Variants in SLC12A3 observed in about 807,000 individuals in gnomAD.
SLC12A3 encodes Na-Cl cotransporter.
Under a neutral mutation model 121.0 loss-of-function variants are expected in SLC12A3, and 104 were observed. The ratio of observed to expected loss-of-function variants is 0.86; its 90% CI spans 0.73 to 1.01. The LOEUF is 1.01. Ranked by LOEUF, SLC12A3 falls within the 50% of genes least tolerant of loss-of-function variation. SLC12A3 has a pLI of 0.00. For synonymous variants in SLC12A3, 536 were observed against 533.4 expected, an observed-to-expected ratio of 1.00 and a Z score of -0.07; for missense variants, 1,328 against 1,356.3, an observed-to-expected ratio of 0.98 and a Z score of 0.33.
chr16:56,883,701 C>T (rs921798888), intron 13 of SLC12A3, among the ~76,000 whole-genome samples: 8 of 152,232 alleles, frequency 5.3e-5, no homozygotes, highest in Non-Finnish European at 1.0e-4. Flanking sequence ...CAGCCCTGGC[C>T]TGACCTGCTG....
rs944887609 is a variant in SLC12A3, at chr16:56,907,758, G to A, written c.2924+3296G>A. Reference sequence around the variant, plus strand: ...CACTAATCCTATTCATAGGTCACAGGGCTCCACTCTCATAACCTCATCATC... The same window carrying A: ...CACTAATCCTATTCATAGGTCACAGAGCTCCACTCTCATAACCTCATCATC... On this transcript the variant is annotated intron_variant, in intron 25 of 25. Transcript: ENST00000563236. Among the ~76,000 whole-genome samples the A allele has an allele frequency of 9.2e-5, 14 of 152,150 alleles. No individual in the cohort carries two copies. The South Asian group carries it at 2.5e-3, about 27-fold the overall frequency.
chr16:56,886,838 G>T, intron 16 of SLC12A3, 115 bp from the exon 17 acceptor site: 2 of 1,399,514 alleles, frequency 1.4e-6, no homozygotes, highest in Non-Finnish European at 2.0e-6. Context: ...CAAAAGAAAA[G>T]GGCACCGTGG....
At position 56,914,293 on chromosome 16, in the gene SLC12A3, A is replaced by G. The variant is rs2055726271; in HGVS notation, c.*888A>G. On this transcript the variant is annotated 3_prime_UTR_variant, in exon 26 of 26. Coordinates refer to ENST00000563236, the MANE Select transcript of SLC12A3 (RefSeq NM_001126108.2). ...TCTTCACTGGTTCTTTGGACGAGGG[A>G]CTTTTCGAACTTTTTTGGTTGCAAC... The G allele has an allele frequency of 1.3e-5, 2 of 152,206 alleles. No individual in the cohort carries two copies. The highest frequency in any genetic ancestry group is 4.8e-5 in the African/African-American group (2 of 41,446). The allele number at this position is 152,206 out of a possible 1,614,324, so 9.4% of individuals were successfully genotyped here. A position where few individuals can be genotyped will look rare whatever the true frequency, so the allele number is the denominator to read the frequency against.
chr16:56,874,905 TG>T (rs1189872123), intron 8 of SLC12A3, among the ~76,000 whole-genome samples: 1 of 152,188 alleles, frequency 6.6e-6, no homozygotes, highest in African/African-American at 2.4e-5. Context: ...GGGCAGGGCC[TG>T]GAAATTGGAG....
intron 2 of SLC12A3, 22 bp downstream of exon 2, chr16:56,867,238 C>A: frequency 1.3e-6 from 2 of 1,592,140 alleles, no homozygotes; most frequent in Non-Finnish European, 1.7e-6. Flanking sequence ...GTGGGTGGTG[C>A]GTGATGTCCA....
intron 25 of SLC12A3, among the ~76,000 whole-genome samples, chr16:56,910,220 C>A (rs369708565): frequency 7.3e-4 from 111 of 152,252 alleles, no homozygotes; most frequent in Middle Eastern, 3.4e-3. Context: ...GTCACCCAGG[C>A]TGGAGTGCAG....
intron 19 of SLC12A3, 77 bp downstream of exon 19, chr16:56,890,433 G>T: frequency 8.4e-7 from 1 of 1,193,580 alleles, no homozygotes; most frequent in East Asian, 2.4e-5. Flanking sequence ...GGAAAAATGA[G>T]TAAGAAATAA....
intron 17 of SLC12A3, 38 bp downstream of exon 17, chr16:56,887,131 C>T (rs2055325182): frequency 3.7e-6 from 6 of 1,613,252 alleles, no homozygotes; most frequent in Non-Finnish European, 5.1e-6. Flanking sequence ...GGACTTACGG[C>T]TTGGTGGCAC....
At position 56,875,140 on chromosome 16, in the gene SLC12A3, C is replaced by T. The variant is rs184778504; in HGVS notation, c.1095+2354C>T. ...GTCTTGAAGCTGGATGAGGCCCGCG[C>T]GCCTGCACTCTGTCCTAAATGCCCT... On this transcript the variant is annotated intron_variant, in intron 8 of 25. Transcript: ENST00000563236. 4.9e-3 allele frequency among the ~76,000 whole-genome samples: 562 copies of T among 115,350 alleles called. 4 individuals carry two copies. Among genetic ancestry groups the T allele is most frequent in the African/African-American group, 0.013 (415 of 32,530 alleles). The allele number at this position is 115,350 out of a possible 152,430, so 75.7% of individuals were successfully genotyped here. A position where few individuals can be genotyped will look rare whatever the true frequency, so the allele number is the denominator to read the frequency against.
intron 8 of SLC12A3, among the ~76,000 whole-genome samples, chr16:56,876,092 C>T (rs1286325310): frequency 6.6e-6 from 1 of 152,056 alleles, no homozygotes; most frequent in Non-Finnish European, 1.5e-5. Context: ...CCTGCCTTGC[C>T]TCTTCCTAAT....
intron 21 of SLC12A3, 33 bp downstream of exon 21, chr16:56,893,087 C>A: frequency 6.4e-7 from 1 of 1,554,714 alleles, no homozygotes; most frequent in Non-Finnish European, 8.9e-7. Flanking sequence ...CCCTCCTGCC[C>A]GGCGGGGGCG....
chr16:56,865,741 C>T (rs1218022550), intron 1 of SLC12A3, among the ~76,000 whole-genome samples: 1 of 152,130 alleles, frequency 6.6e-6, no homozygotes, highest in African/African-American at 2.4e-5. Flanking sequence ...AGTGGGAGGC[C>T]TAGAGAGGTA....
chr16:56,881,309 A>G (rs1247753913), intron 12 of SLC12A3, among the ~76,000 whole-genome samples: 2 of 152,130 alleles, frequency 1.3e-5, no homozygotes. Flanking sequence ...CCTGGACCAC[A>G]TGAAGAGGTG....
chr16:56,904,155 C>T (rs2055575180), intron 24 of SLC12A3: 1 of 484,934 alleles, frequency 2.1e-6, no homozygotes, highest in Admixed American at 2.8e-5. Context: ...TGGTTATGGT[C>T]ATAAAGTCAG....
At chr16:56,890,637 G>A (rs1462230061) in intron 19 of SLC12A3, among the ~76,000 whole-genome samples, 2 of 152,178 alleles carry the variant, frequency 1.3e-5, no homozygotes, top group East Asian at 1.9e-4. Context: ...GGTGGCTCAC[G>A]CCTGTAATCC....
chr16:56,897,280 C>G (rs1405529473), intron 22 of SLC12A3, among the ~76,000 whole-genome samples: 3 of 152,214 alleles, frequency 2.0e-5, no homozygotes, highest in East Asian at 3.9e-4. Flanking sequence ...AGGATACAGA[C>G]AGATGGGGCA....
intron 13 of SLC12A3, among the ~76,000 whole-genome samples, 179 bp from the exon 14 acceptor site, chr16:56,883,870 C>T (rs1470622376): frequency 6.6e-6 from 1 of 152,212 alleles, no homozygotes; most frequent in Non-Finnish European, 1.5e-5. Flanking sequence ...TGTGATTTGC[C>T]CCAGAGCCTG....
intron 13 of SLC12A3, 26 bp from the exon 14 acceptor site, chr16:56,884,023 C>T (rs1596916755): frequency 6.2e-7 from 1 of 1,613,548 alleles, no homozygotes; most frequent in South Asian, 1.1e-5. Context: ...GCCAGGCATG[C>T]CCACTGACTG....
chr16:56,908,609 C>T (rs1461772063), intron 25 of SLC12A3, among the ~76,000 whole-genome samples: 4 of 152,192 alleles, frequency 2.6e-5, no homozygotes, highest in Non-Finnish European at 4.4e-5. Flanking sequence ...CAGAAGGCCC[C>T]GTGTGACTGT....
Sources: gnomAD v4.1 joint callset for allele counts (sites outside exome capture counted in the v4.1 genomes callset) on GRCh38, gnomAD v4.1.1 for gene constraint, MANE v1.5 for transcripts, NCBI Gene and HGNC (gene_info 2026-07-23, HGNC 2026-07-21) for gene names.